Variants in CGB7 observed in about 807,000 individuals in gnomAD.
The protein encoded by CGB7 is choriogonadotropin subunit beta 7.
A neutral mutation model predicts 7.3 loss-of-function variants in CGB7; 6 were observed. That is an observed-to-expected ratio of 0.82 (90% CI 0.45 to 1.62). The LOEUF is 1.62. CGB7 is among the 40% of genes most tolerant of loss of function. The pLI is 0.01. For missense variants in CGB7, 114 were observed against 236.2 expected (o/e 0.48, Z 3.39); for synonymous variants, 47 against 100.8 (o/e 0.47, Z 3.20).
chr19:49,055,267 G>A (rs2040042798), intron 3 of CGB7, 94 bp downstream of exon 3: 6 of 1,607,280 alleles, frequency 3.7e-6, no homozygotes, highest in South Asian at 1.1e-5. Context: ...TCCAGAAAGA[G>A]GCGTCCTTCC....
chr19:49,057,553 A>G lies in CGB7; in HGVS notation c.-1440T>C. 8.4e-7 allele frequency: 1 copy of G among 1,188,572 alleles called. No individual in the cohort carries two copies. The highest frequency in any genetic ancestry group is 1.1e-6 in the Non-Finnish European group (1 of 952,246). 73.6% of individuals were successfully genotyped at this position (1,188,572 alleles called of 1,614,324 possible). On this transcript the variant is annotated 5_prime_UTR_variant, in exon 1 of 5. Coordinates refer to ENST00000684222, the MANE Select transcript of CGB7 (RefSeq NM_001385261.1). ...CCCCCTGGTTCTGCCCCCGGTCTCA[A>G]GCCTTCTTGGTGTGGCCACTGGAGC...
chr19:49,056,199 G>T lies in CGB7; in HGVS notation c.-824C>A, dbSNP rs779282509. On this transcript the variant is annotated 5_prime_UTR_variant, in exon 3 of 5. Transcript: ENST00000684222. Reference sequence around the variant, plus strand: ...ACCTAGGTCCGACACCGCGTAGTGAGCGGCTGCCCAGAGCTCTGCTCCGCC... The same window carrying T: ...ACCTAGGTCCGACACCGCGTAGTGATCGGCTGCCCAGAGCTCTGCTCCGCC... 1 of 1,272,102 alleles carries T rather than the reference G, an allele frequency of 7.9e-7. No individual in the cohort carries two copies. The highest frequency in any genetic ancestry group is 1.2e-5 in the South Asian group (1 of 80,594). The allele number at this position is 1,272,102 out of a possible 1,614,324, so 78.8% of individuals were successfully genotyped here. A position where few individuals can be genotyped will look rare whatever the true frequency, so the allele number is the denominator to read the frequency against.
At position 49,055,241 on chromosome 19, in the gene CGB7, T is replaced by C. The variant is rs34140832; in HGVS notation, c.15+120A>G. On this transcript the variant is annotated intron_variant, in intron 3 of 4. Coordinates refer to ENST00000684222, the MANE Select transcript of CGB7 (RefSeq NM_001385261.1). Reference sequence around the variant, plus strand: ...CAGGAACTGCCCCACGTGAAGCTTATTGGGGGTCACGCTCCTCCAGAAAGA... The same window carrying C: ...CAGGAACTGCCCCACGTGAAGCTTACTGGGGGTCACGCTCCTCCAGAAAGA... The C allele has an allele frequency of 0.31, 495,002 of 1,598,994 alleles. 79,561 individuals are homozygous for C. The highest frequency in any genetic ancestry group is 0.4 in the South Asian group (35,568 of 89,250).
intron 3 of CGB7, 92 bp from the exon 4 acceptor site, chr19:49,055,100 CA>C (rs1179631630): frequency 6.3e-7 from 1 of 1,597,248 alleles, no homozygotes; most frequent in African/African-American, 1.3e-5. Context: ...CACAAAGACC[CA>C]GAGACCCTTC....
rs1037274280 is a variant in CGB7, at chr19:49,055,699, T to C, written c.-324A>G. 8.5e-5 allele frequency: 111 copies of C among 1,303,590 alleles called. 1 individual carries two copies. The highest frequency in any genetic ancestry group is 5.9e-4 in the African/African-American group (40 of 67,234). 80.8% of individuals were successfully genotyped at this position (1,303,590 alleles called of 1,614,324 possible). On this transcript the variant is annotated 5_prime_UTR_variant, in exon 3 of 5. Coordinates refer to ENST00000684222, the MANE Select transcript of CGB7 (RefSeq NM_001385261.1). ...GCCTGCCTCTGCCTATGGTGGGGTC[T>C]TGGGAACCAGGAGGAGGCCGTGACC...
rs765532659 is a variant in CGB7 at position 49,056,431 on chromosome 19, G to A, written c.-1056C>T. ...GGCGGAGCGGGTGCGGCGAGGAGCT[G>A]TAGGTTTCCTGAGCCGGAGACATGG... On this transcript the variant is annotated 5_prime_UTR_variant, in exon 3 of 5. Transcript: ENST00000684222. 7.7e-6 allele frequency: 10 copies of A among 1,298,016 alleles called. No homozygotes were observed. In the South Asian group the frequency reaches 1.2e-4, roughly 16 times the overall value. The allele number at this position is 1,298,016 out of a possible 1,614,324, so 80.4% of individuals were successfully genotyped here.
rs527630814 is a variant in CGB7, at chr19:49,056,737, G to C, written c.-1220-142C>G. The C allele has an allele frequency of 2.6e-4, 193 of 730,810 alleles. No homozygotes were observed. The African/African-American group carries it at 3.4e-3, about 13-fold the overall frequency. The allele number at this position is 730,810 out of a possible 1,614,324, so 45.3% of individuals were successfully genotyped here. On this transcript the variant is annotated intron_variant, in intron 2 of 4. Coordinates refer to ENST00000684222, the MANE Select transcript of CGB7 (RefSeq NM_001385261.1). ...TTAGGAAGGACGCGACCGGGCACGC[G>C]TTGCCTGCGTTCCTGGGTCCTCGAG... is the stretch of plus-strand genomic sequence containing the variant.
At chr19:49,056,644 C>T in intron 2 of CGB7, 49 bp from the exon 3 acceptor site, 1 of 1,211,560 alleles carries the variant, frequency 8.3e-7, no homozygotes, top group South Asian at 1.5e-5. Context: ...TCCTTGGGGA[C>T]GAGTTTCAGA....
Position 49,055,540 on chromosome 19 carries a change from A to T in CGB7, c.-165T>A. The T allele has an allele frequency of 6.4e-7, 1 of 1,559,544 alleles. No individual in the cohort carries two copies. Among genetic ancestry groups the T allele is most frequent in the Non-Finnish European group, 8.7e-7 (1 of 1,151,940 alleles). ...AGGCACAGGAGTGGCTCAGCGGAGC[A>T]CCCCAGTCCTCTCCCCTCAGTGGTC... On this transcript the variant is annotated 5_prime_UTR_variant, in exon 3 of 5. Transcript: ENST00000684222.
Position 49,056,448 on chromosome 19 carries a change from G to T in CGB7, c.-1073C>A. On this transcript the variant is annotated 5_prime_UTR_variant, in exon 3 of 5. Transcript: ENST00000684222. ...GAGGAGCTGTAGGTTTCCTGAGCCG[G>T]AGACATGGCCCGCCGTGCGGCGCTC... 1 of 1,298,988 alleles carries T rather than the reference G, an allele frequency of 7.7e-7. No individual in the cohort carries two copies. Among genetic ancestry groups the T allele is most frequent in the Non-Finnish European group, 1.0e-6 (1 of 994,952 alleles). 80.5% of individuals were successfully genotyped at this position (1,298,988 alleles called of 1,614,324 possible).
In CGB7 at chr19:49,056,030, G is replaced by GA. The variant is rs1273352093; in HGVS notation, c.-656dup. The GA allele has an allele frequency of 7.6e-5, 88 of 1,159,470 alleles. No individual in the cohort carries two copies. In the East Asian group the frequency reaches 4.2e-3, roughly 55 times the overall value. The allele number at this position is 1,159,470 out of a possible 1,614,324, so 71.8% of individuals were successfully genotyped here. ...AACTGATTATTGAATAGGCCCGCAG[G>GA]AGGTGTGTCCTGCCCGCGGGGCCGC... On this transcript the variant is annotated 5_prime_UTR_variant, in exon 3 of 5. It removes the in-frame stop codon of an upstream open reading frame in the 5' UTR. Coordinates refer to ENST00000684222, the MANE Select transcript of CGB7 (RefSeq NM_001385261.1).
In CGB7 at chr19:49,056,450, G is replaced by A; in HGVS notation, c.-1075C>T. 1 of 1,299,142 alleles carries A rather than the reference G, an allele frequency of 7.7e-7. No individual in the cohort carries two copies. The highest frequency in any genetic ancestry group is 1.0e-6 in the Non-Finnish European group (1 of 995,050). The allele number at this position is 1,299,142 out of a possible 1,614,324, so 80.5% of individuals were successfully genotyped here. On this transcript the variant is annotated 5_prime_UTR_variant, in exon 3 of 5. Transcript: ENST00000684222. Reference sequence around the variant, plus strand: ...GGAGCTGTAGGTTTCCTGAGCCGGAGACATGGCCCGCCGTGCGGCGCTCGA... The same window carrying A: ...GGAGCTGTAGGTTTCCTGAGCCGGAAACATGGCCCGCCGTGCGGCGCTCGA...
At chr19:49,057,019 G>C in intron 2 of CGB7, 102 bp downstream of exon 2, 1 of 1,276,368 alleles carries the variant, frequency 7.8e-7, no homozygotes, top group East Asian at 2.5e-5. Context: ...AGTCGAGACT[G>C]AGACCACCGG....
intron 2 of CGB7, 39 bp downstream of exon 2, chr19:49,057,082 G>T (rs1227867089): frequency 6.6e-7 from 1 of 1,524,906 alleles, no homozygotes; most frequent in Non-Finnish European, 8.8e-7. Context: ...CATGGCGGGG[G>T]CTGTGCAGGA....
rs1035490098 is a variant in CGB7 at position 49,056,053 on chromosome 19, C to G, written c.-678G>C. 7 of 1,169,280 alleles carry G rather than the reference C, an allele frequency of 6.0e-6. No homozygotes were observed. In the African/African-American group the frequency reaches 6.5e-5, roughly 11 times the overall value. 72.4% of individuals were successfully genotyped at this position (1,169,280 alleles called of 1,614,324 possible). ...AGGAGGTGTGTCCTGCCCGCGGGGC[C>G]GCAGCCTCGGAGGACATTGTCTGGA... On this transcript the variant is annotated 5_prime_UTR_variant, in exon 3 of 5. Transcript: ENST00000684222.
rs1451049951 is a variant in CGB7, at chr19:49,056,109, C to T, written c.-734G>A. ...TCCCTTCCCCGCGATCCAGCCGCAG[C>T]TGAGTGGGCGTGTCTGGGCTAGTCC... is the stretch of plus-strand genomic sequence containing the variant. On this transcript the variant is annotated 5_prime_UTR_variant, in exon 3 of 5. Transcript: ENST00000684222. 6 of 1,183,008 alleles carry T rather than the reference C, an allele frequency of 5.1e-6. No homozygotes were observed. Among genetic ancestry groups the T allele is most frequent in the East Asian group, 6.0e-5 (1 of 16,596 alleles). The allele number at this position is 1,183,008 out of a possible 1,614,324, so 73.3% of individuals were successfully genotyped here. A position where few individuals can be genotyped will look rare whatever the true frequency, so the allele number is the denominator to read the frequency against.
Position 49,056,387 on chromosome 19 carries a change from G to C in CGB7, c.-1012C>G. On this transcript the variant is annotated 5_prime_UTR_variant, in exon 3 of 5. Transcript: ENST00000684222. Reference sequence around the variant, plus strand: ...GGGGCCACCCCAAGTCGCCTCCAGCGGGCGGAAGCGGTCGAGCCGGCGGAG... The same window carrying C: ...GGGGCCACCCCAAGTCGCCTCCAGCCGGCGGAAGCGGTCGAGCCGGCGGAG... 1 of 1,295,630 alleles carries C rather than the reference G, an allele frequency of 7.7e-7. No homozygotes were observed. The highest frequency in any genetic ancestry group is 1.0e-6 in the Non-Finnish European group (1 of 992,442). 80.3% of individuals were successfully genotyped at this position (1,295,630 alleles called of 1,614,324 possible). A position where few individuals can be genotyped will look rare whatever the true frequency, so the allele number is the denominator to read the frequency against.
chr19:49,057,086 T>C, intron 2 of CGB7, 35 bp downstream of exon 2: 1 of 1,528,872 alleles, frequency 6.5e-7, no homozygotes, highest in Non-Finnish European at 8.8e-7. Context: ...GCGGGGGCTG[T>C]GCAGGAGGCG....
At position 49,054,325 on chromosome 19, in the gene CGB7, G is replaced by A. The variant is rs535109907; in HGVS notation, c.464C>T (p.Pro155Leu). The change falls in exon 5 of 5, where the codon CCG (proline) becomes CTG (leucine). Residue 155 changes from proline to leucine, a missense_variant. This residue lies in a region of CGB7 where 20 missense variants were observed against 18.4 expected (regional missense o/e 1.08). Transcript: ENST00000684222. ...GAGGATCGGGGTGTCTGAGGGCCCC[G>A]GGAGTCGGGATGGACTTGGAAGGCT... The part of the protein sequence containing the change: ...PPSLPSPSRL[P>L]GPSDTPILPQ 1.0e-4 allele frequency: 168 copies of A among 1,609,902 alleles called. 2 individuals are homozygous for A. In the South Asian group the frequency reaches 1.7e-3, roughly 16 times the overall value.
Sources: allele counts gnomAD v4.1 joint callset, GRCh38; gene constraint gnomAD v4.1.1; regional missense constraint gnomAD v4.1.1; transcripts MANE v1.5; gene names NCBI Gene and HGNC (gene_info 2026-07-23, HGNC 2026-07-21).